CENPI: variants seen among roughly 807,000 people sequenced by gnomAD.
CENPI encodes FSH primary response 1.
In CENPI, 4 loss-of-function variants were observed where a neutral mutation model predicts 60.4. That is an observed-to-expected ratio of 0.07 (90% CI 0.03 to 0.15). The LOEUF (loss-of-function observed/expected upper bound fraction) is 0.15, where lower values mean the gene tolerates loss of function less well. Among genes scored for constraint, CENPI ranks in the 10% least tolerant of loss-of-function variants. The probability of loss-of-function intolerance (pLI) is 1.00; values close to 1 mark genes in which losing one functional copy is unlikely to be tolerated. For synonymous variants in CENPI, 157 were observed against 189.4 expected, an observed-to-expected ratio of 0.83 and a Z score of 1.40; for missense variants, 444 against 534.5, an observed-to-expected ratio of 0.83 and a Z score of 1.67.
chrX:101,178,344 C>T, the CENPI span, among the ~76,000 whole-genome samples: 73 of 106,500 alleles, frequency 6.9e-4, 1 homozygote, highest in African/African-American at 2.2e-3. Flanking sequence ...TGCCTCTAGT[C>T]AGCTATCTTG....
At chrX:101,161,416 A>G (rs1232929423) in intron 20 of CENPI, 112 bp from the exon 21 acceptor site, 16 of 627,845 alleles carry the variant, frequency 2.5e-5, no homozygotes, top group Non-Finnish European at 3.8e-5. Flanking sequence ...GAGCAAGTGA[A>G]TTGCCATCTT....
At chrX:101,166,429 C>T (rs1401982607), downstream of CENPI, among the ~76,000 whole-genome samples, 2 of 113,076 alleles carry the variant, frequency 1.8e-5, no homozygotes, top group Non-Finnish European at 3.7e-5. Flanking sequence ...GTTGGGATTA[C>T]AGGCATGAGC....
At chrX:101,110,616 G>C (rs144328144) in intron 6 of CENPI, among the ~76,000 whole-genome samples, 1,541 of 112,093 alleles carry the variant, frequency 0.014, 13 homozygotes, top group Middle Eastern at 0.028. Flanking sequence ...CCTTTGGGAA[G>C]GGAATTCATT....
At chrX:101,114,825 G>A (rs970879826) in intron 6 of CENPI, among the ~76,000 whole-genome samples, 1 of 109,753 alleles carries the variant, frequency 9.1e-6, no homozygotes, top group Admixed American at 9.9e-5. Context: ...ATTGTTAGTA[G>A]AGACAGGGTT....
At position 101,127,492 on chromosome X, in the gene CENPI, C is replaced by A; in HGVS notation, c.907-6C>A. 8.7e-7 allele frequency: 1 copy of A among 1,155,329 alleles called. No homozygotes were observed. The highest frequency in any genetic ancestry group is 2.0e-5 in the South Asian group (1 of 48,983). ...ATTGATAGATTATTTTATTATCTTT[C>A]TTCAGAAGTGGAATTCTCTCTCAGT... On this transcript the variant is annotated splice_region_variant and splice_polypyrimidine_tract_variant and intron_variant, in intron 10 of 21. Transcript: ENST00000682095.
intron 5 of CENPI, 45 bp downstream of exon 5, chrX:101,109,636 T>A: frequency 1.0e-6 from 1 of 985,034 alleles, no homozygotes; most frequent in Non-Finnish European, 1.4e-6. Context: ...CAGAACCACT[T>A]AAGGGCTGGC....
chrX:101,138,399 G>A (rs771183183), intron 15 of CENPI, among the ~76,000 whole-genome samples: 20 of 106,007 alleles, frequency 1.9e-4, no homozygotes, highest in Admixed American at 1.4e-3. Flanking sequence ...GTCCAGTGGC[G>A]TGATCTCGGC....
At chrX:101,124,993 TTGGTATCCTCCCTTGGCTGTGCC>T (rs1244166568) in intron 8 of CENPI, among the ~76,000 whole-genome samples, 1 of 111,853 alleles carries the variant, frequency 8.9e-6, no homozygotes, top group Non-Finnish European at 1.9e-5. Context: ...AGAAATGGTC[TTGGTATCCTCCCTTGGCTGTGCC>T]TGGTATCCGA....
intron 18 of CENPI, 66 bp downstream of exon 18, chrX:101,146,343 A>G (rs2089961497): frequency 2.0e-6 from 2 of 995,805 alleles, no homozygotes; most frequent in Admixed American, 2.9e-5. Flanking sequence ...TTTCAGCTAT[A>G]ATACAATAAA....
At chrX:101,177,111 C>T in the CENPI span, among the ~76,000 whole-genome samples, 2 of 111,256 alleles carry the variant, frequency 1.8e-5, no homozygotes, top group South Asian at 3.8e-4. Flanking sequence ...CTTTTGGGCT[C>T]CTAGGTGGCT....
chrX:101,127,315 C>G, intron 10 of CENPI, 49 bp downstream of exon 10: 1 of 1,079,514 alleles, frequency 9.3e-7, no homozygotes, highest in Non-Finnish European at 1.2e-6. Context: ...TTTATTAAAT[C>G]CAAATAATAA....
intron 4 of CENPI, 126 bp from the exon 5 acceptor site, chrX:101,109,347 C>T: frequency 1.9e-6 from 1 of 516,271 alleles, no homozygotes; most frequent in Non-Finnish European, 3.3e-6. Flanking sequence ...TCCCAAAGTG[C>T]TGGGATTACA....
At chrX:101,102,576 G>T in intron 4 of CENPI, among the ~76,000 whole-genome samples, 165 bp downstream of exon 4, 1 of 108,181 alleles carries the variant, frequency 9.2e-6, no homozygotes, top group Middle Eastern at 4.8e-3. Flanking sequence ...GCCCAGGTTG[G>T]TCTCGAACTC....
At chrX:101,109,336 CT>C in intron 4 of CENPI, 136 bp from the exon 5 acceptor site, 1 of 481,173 alleles carries the variant, frequency 2.1e-6, no homozygotes, top group Non-Finnish European at 3.6e-6. Flanking sequence ...CCACCATGGC[CT>C]CCCAAAGTGC....
In CENPI at chrX:101,148,175, A is replaced by T. The variant is rs1215223385; in HGVS notation, c.2094+14A>T. ...TTTTTGCTACAGGTAAGGGTATTTA[A>T]AGAATTTTTAGATTTTGTATCTTAA... On this transcript the variant is annotated intron_variant, in intron 20 of 21. Coordinates refer to ENST00000682095, the MANE Select transcript of CENPI (RefSeq NM_001386188.2). 2.6e-6 allele frequency: 3 copies of T among 1,157,068 alleles called. No homozygotes were observed. The highest frequency in any genetic ancestry group is 3.5e-6 in the Non-Finnish European group (3 of 851,690).
intron 6 of CENPI, among the ~76,000 whole-genome samples, chrX:101,119,218 T>C (rs369724705): frequency 8.9e-6 from 1 of 112,220 alleles, no homozygotes; most frequent in African/African-American, 3.2e-5. Flanking sequence ...AAATTCATGC[T>C]TCTTAAAAGT....
chrX:101,136,818 A>G (rs1448853903), intron 15 of CENPI, among the ~76,000 whole-genome samples: 6 of 112,453 alleles, frequency 5.3e-5, no homozygotes, highest in African/African-American at 1.9e-4. Flanking sequence ...TTAACATTGC[A>G]TAATAATTTT....
the CENPI span, among the ~76,000 whole-genome samples, chrX:101,178,398 C>CTTCTTTTTTTTTTTTTT: frequency 1.5e-4 from 6 of 39,985 alleles, no homozygotes; most frequent in Non-Finnish European, 2.4e-4. Flanking sequence ...TTTTCTTCTT[C>CTTCTTTTTTTTTTTTTT]TTTTTTTTTT....
At chrX:101,136,320 G>C (rs6523454) in intron 15 of CENPI, among the ~76,000 whole-genome samples, 33,944 of 110,707 alleles carry the variant, frequency 0.31, 4,179 homozygotes, top group African/African-American at 0.45. Flanking sequence ...CCACAGAACA[G>C]AGGTTCTGGA....
Sources: gnomAD v4.1 joint callset for allele counts (sites outside exome capture counted in the v4.1 genomes callset) on GRCh38, gnomAD v4.1.1 for gene constraint, MANE v1.5 for transcripts, NCBI Gene and HGNC (gene_info 2026-07-23, HGNC 2026-07-21) for gene names.